Variants in KIF3A observed in about 807,000 individuals in gnomAD.
KIF3A encodes the protein kinesin-like protein KIF3A.
In KIF3A, 27 loss-of-function variants were observed where a neutral mutation model predicts 92.6. The ratio of observed to expected loss-of-function variants is 0.29; its 90% CI spans 0.21 to 0.40. The LOEUF is 0.40. Ranked by LOEUF, KIF3A falls within the 10% of genes least tolerant of loss-of-function variation. The pLI is 1.00. For missense variants in KIF3A, 581 were observed against 872.6 expected (o/e 0.67, Z 4.21); for synonymous variants, 250 against 275.4 (o/e 0.91, Z 0.92).
At chr5:132,707,759 A>T (rs1047922343) in intron 10 of KIF3A, among the ~76,000 whole-genome samples, 1 of 152,224 alleles carries the variant, frequency 6.6e-6, no homozygotes, top group Non-Finnish European at 1.5e-5. Flanking sequence ...ATTAGTTTTG[A>T]AAGGGTAAGT....
At chr5:132,704,881 A>G (rs1466760960) in intron 11 of KIF3A, among the ~76,000 whole-genome samples, 1 of 152,002 alleles carries the variant, frequency 6.6e-6, no homozygotes, top group African/African-American at 2.4e-5. Flanking sequence ...AGGAACTATG[A>G]AATGAAGAAT....
chr5:132,714,914 G>A (rs1262985596), intron 8 of KIF3A, among the ~76,000 whole-genome samples: 1 of 152,072 alleles, frequency 6.6e-6, no homozygotes, highest in Non-Finnish European at 1.5e-5. Context: ...ACCACCTAGT[G>A]GTCACATTTA....
At chr5:132,690,649 C>T (rs1482337050), downstream of KIF3A, among the ~76,000 whole-genome samples, 6 of 94,976 alleles carry the variant, frequency 6.3e-5, no homozygotes, top group East Asian at 4.0e-4. Context: ...AATTTCAGGC[C>T]GGGCGCGGTG....
intron 2 of KIF3A, among the ~76,000 whole-genome samples, chr5:132,727,672 A>G (rs1193486788): frequency 6.6e-6 from 1 of 152,200 alleles, no homozygotes; most frequent in African/African-American, 2.4e-5. Flanking sequence ...CCTAAAAGCA[A>G]CATGAAGCCA....
intron 2 of KIF3A, 69 bp downstream of exon 2, chr5:132,734,136 T>C: frequency 8.4e-7 from 1 of 1,194,066 alleles, no homozygotes; most frequent in Non-Finnish European, 1.2e-6. Context: ...ACAGCTGCAA[T>C]ATGTGAATTT....
At position 132,716,440 on chromosome 5, in the gene KIF3A, A is replaced by G. The variant is rs1205438166; in HGVS notation, c.759T>C (p.Gly253=). The G allele has an allele frequency of 3.7e-6, 6 of 1,611,886 alleles. No homozygotes were observed. In the Admixed American group the frequency reaches 8.4e-5, roughly 22 times the overall value. ...MGKLHLVDLA[G]SERQAKTGAT... ...CTCCAGTTTTTGCCTGTCTTTCTGA[A>G]CCCTAGCAATAAACAGAGATGAAAG... The change falls in exon 7 of 19, where the codon GGT becomes GGC. Residue 253 remains glycine (G), a splice_region_variant and synonymous_variant. Transcript: ENST00000403231.
At chr5:132,736,770 G>A (rs1228163872) in intron 1 of KIF3A, 2 of 467,692 alleles carry the variant, frequency 4.3e-6, no homozygotes, top group African/African-American at 4.0e-5. Context: ...CACTAAATAA[G>A]CGGCCATGGC....
At chr5:132,713,453 ATT>A (rs1753501151) in intron 8 of KIF3A, among the ~76,000 whole-genome samples, 1 of 152,216 alleles carries the variant, frequency 6.6e-6, no homozygotes, top group African/African-American at 2.4e-5. Context: ...GCCTACAATA[ATT>A]TTTAAGTTTA....
At chr5:132,713,390 C>G (rs1220769859) in intron 8 of KIF3A, among the ~76,000 whole-genome samples, 2 of 152,190 alleles carry the variant, frequency 1.3e-5, no homozygotes, top group East Asian at 3.9e-4. Flanking sequence ...TGAGGTGAAG[C>G]TGGGTGAAGG....
intron 4 of KIF3A, among the ~76,000 whole-genome samples, 197 bp downstream of exon 4, chr5:132,725,931 T>C (rs1754018305): frequency 6.6e-6 from 1 of 152,136 alleles, no homozygotes; most frequent in African/African-American, 2.4e-5. Flanking sequence ...AATTTACCAA[T>C]AATTTACCAC....
At chr5:132,729,443 C>T (rs1754151029) in intron 2 of KIF3A, among the ~76,000 whole-genome samples, 1 of 140,580 alleles carries the variant, frequency 7.1e-6, no homozygotes, top group Non-Finnish European at 1.5e-5. Context: ...CAGGGTGAGA[C>T]CTTGTCTTGA....
rs1290119139 is a variant in KIF3A, at chr5:132,693,564, C to A, written c.*3070G>T. 6.5e-6 allele frequency: 1 copy of A among 152,688 alleles called. No individual in the cohort carries two copies. Among genetic ancestry groups the A allele is most frequent in the Non-Finnish European group, 1.5e-5 (1 of 68,020 alleles). 9.5% of individuals were successfully genotyped at this position (152,688 alleles called of 1,614,324 possible). The stretch of plus-strand genomic sequence containing the variant: ...TATCGTCTCACGAAATTAACACTGA[C>A]CTTACAACATATTTCATTTGTGGAC... On this transcript the variant is annotated 3_prime_UTR_variant, in exon 19 of 19. Transcript: ENST00000403231.
chr5:132,737,352 G>T, intron 1 of KIF3A, 62 bp downstream of exon 1: 4 of 1,555,826 alleles, frequency 2.6e-6, no homozygotes, highest in South Asian at 1.2e-5. Flanking sequence ...GGCAACGGCC[G>T]CGCCCCCGGG....
At chr5:132,702,746 A>G in intron 13 of KIF3A, 78 bp from the exon 14 acceptor site, 1 of 1,311,428 alleles carries the variant, frequency 7.6e-7, no homozygotes. Flanking sequence ...AATGACATAA[A>G]TGTTTAGCAA....
At position 132,724,814 on chromosome 5, in the gene KIF3A, TATATATATATATATATATATA is replaced by T. The variant is rs1753973403; in HGVS notation, c.510+1293_510+1313del. 3.6e-3 allele frequency among the ~76,000 whole-genome samples: 49 copies of T among 13,730 alleles called. 1 individual carries two copies. Among genetic ancestry groups the T allele is most frequent in the East Asian group, 6.4e-3 (8 of 1,258 alleles). The allele number at this position is 13,730 out of a possible 152,430, so 9.0% of individuals were successfully genotyped here. ...TAATAAAAAAAAAAAAAAATATATATATATATATATATATATATATATATATATATATATATATATATTAAA... is the reference window on the plus strand; with the variant it reads ...TAATAAAAAAAAAAAAAAATATATATTATATATATATATATATATATTAAA... On this transcript the variant is annotated intron_variant, in intron 4 of 18. Coordinates refer to ENST00000403231, the MANE Select transcript of KIF3A (RefSeq NM_001300791.2).
chr5:132,710,949 C>T lies in KIF3A; in HGVS notation c.1228+10G>A. 2 of 1,613,758 alleles carry T rather than the reference C, an allele frequency of 1.2e-6. No individual in the cohort carries two copies. Among genetic ancestry groups the T allele is most frequent in the Non-Finnish European group, 1.7e-6 (2 of 1,179,808 alleles). ...AATTTCTACAAATCAGATTACTAAA[C>T]AGAACTTACCCCTTCTTTTTTTCCT... On this transcript the variant is annotated intron_variant, in intron 9 of 18. Coordinates refer to ENST00000403231, the MANE Select transcript of KIF3A (RefSeq NM_001300791.2).
intron 2 of KIF3A, among the ~76,000 whole-genome samples, chr5:132,730,927 T>C (rs1754207913): frequency 6.6e-6 from 1 of 151,962 alleles, no homozygotes; most frequent in East Asian, 1.9e-4. Context: ...GCTGTGATTG[T>C]GCCACTGTAC....
intron 2 of KIF3A, among the ~76,000 whole-genome samples, chr5:132,730,524 T>C (rs1285762650): frequency 2.0e-5 from 3 of 150,664 alleles, no homozygotes; most frequent in South Asian, 2.1e-4. Flanking sequence ...CGGTAGCTCA[T>C]GTCTGTAATC....
In KIF3A at chr5:132,700,241, G is replaced by A. The variant is rs764642608; in HGVS notation, c.1982C>T (p.Pro661Leu). 2 of 1,596,520 alleles carry A rather than the reference G, an allele frequency of 1.3e-6. No homozygotes were observed. Among genetic ancestry groups the A allele is most frequent in the Non-Finnish European group, 8.5e-7 (1 of 1,169,618 alleles). The change falls in exon 17 of 19, where the codon CCA (proline) becomes CTA (leucine). Residue 661 changes from proline to leucine, a missense_variant. Pro to Leu is a moderately conservative substitution (Grantham distance 98, BLOSUM62 -3). This residue lies in a region of KIF3A where 112 missense variants were observed against 144.3 expected (regional missense o/e 0.78). Coordinates refer to ENST00000403231, the MANE Select transcript of KIF3A (RefSeq NM_001300791.2). ...YTGNNMRKQT[P>L]VPDKKEKDPF... Reference sequence around the variant, plus strand: ...ATCTTTCTCCTTTTTATCAGGTACTGGGGTTTGCTTCCTCATGTTATTTCC... The same window carrying A: ...ATCTTTCTCCTTTTTATCAGGTACTAGGGTTTGCTTCCTCATGTTATTTCC...
Sources: allele counts gnomAD v4.1 joint callset (sites outside exome capture counted in the v4.1 genomes callset), GRCh38; gene constraint gnomAD v4.1.1; regional missense constraint gnomAD v4.1.1; transcripts MANE v1.5; gene names NCBI Gene and HGNC (gene_info 2026-07-23, HGNC 2026-07-21).